ICA1: variants seen among roughly 807,000 people sequenced by gnomAD.
ICA1 encodes the protein 69 kDa islet cell autoantigen.
Under a neutral mutation model 71.0 loss-of-function variants are expected in ICA1, and 40 were observed. The observed-to-expected ratio is 0.56, with a 90% CI of 0.44 to 0.73. The LOEUF is 0.73. ICA1 is among the 30% of genes least tolerant of loss of function. The pLI is 0.00. For synonymous variants in ICA1, 207 were observed against 209.5 expected, an observed-to-expected ratio of 0.99 and a Z score of 0.10; for missense variants, 578 against 576.5, an observed-to-expected ratio of 1.00 and a Z score of -0.03.
intron 1 of ICA1, among the ~76,000 whole-genome samples, chr7:8,256,719 C>T (rs1211777679): frequency 6.6e-6 from 1 of 152,156 alleles, no homozygotes; most frequent in African/African-American, 2.4e-5. Flanking sequence ...GTATCTCCTG[C>T]ACTAGACTGT....
At chr7:8,188,074 C>T (rs536192863) in intron 6 of ICA1, among the ~76,000 whole-genome samples, 5 of 152,230 alleles carry the variant, frequency 3.3e-5, no homozygotes, top group South Asian at 4.2e-4. Flanking sequence ...CTGTTTCTTA[C>T]GCTAAAGGCA....
intron 1 of ICA1, among the ~76,000 whole-genome samples, chr7:8,245,059 G>A (rs1258495158): frequency 6.6e-6 from 1 of 151,994 alleles, no homozygotes; most frequent in African/African-American, 2.4e-5. Context: ...CCCATTACTG[G>A]GTATATACCC....
intron 6 of ICA1, among the ~76,000 whole-genome samples, chr7:8,160,282 A>C (rs748750661): frequency 2.6e-5 from 4 of 152,236 alleles, no homozygotes; most frequent in Non-Finnish European, 5.9e-5. Flanking sequence ...CAATGTATAA[A>C]ATTATAGGAT....
Position 8,218,435 on chromosome 7 carries a change from G to A in ICA1, c.449C>T (p.Ser150Leu). The A allele has an allele frequency of 6.2e-7, 1 of 1,614,076 alleles. No individual in the cohort carries two copies. Residue 150 changes from serine to leucine, a missense_variant, in exon 6 of 14, where the codon TCA (serine) becomes TTA (leucine). Coordinates refer to ENST00000402384, the MANE Select transcript of ICA1 (RefSeq NM_001136020.3). The stretch of plus-strand genomic sequence containing the variant: ...GCGGTTCACCGTCAGCCAAGTATCT[G>A]AGATGGCCCGATGCCGAAAAGTCTC... ...EVETFRHRAI[S>L]DTWLTVNRME...
intron 6 of ICA1, among the ~76,000 whole-genome samples, chr7:8,210,708 A>C (rs1290543028): frequency 1.3e-5 from 2 of 152,062 alleles, no homozygotes; most frequent in African/African-American, 4.8e-5. Flanking sequence ...AAAGGAAAAA[A>C]ATTTTTTTTA....
Position 8,143,900 on chromosome 7 carries a change from CT to C in ICA1, c.876del (p.Asp293MetfsTer10). ...EKKKINQQES[T>X]DAAVQEPSQL... ...TGGCTCGGCTCCTGCACGGCTGCAT[CT>C]GTACTTTCCTGCTGGTTGATTTTCT... is the stretch of plus-strand genomic sequence containing the variant. On this transcript the variant is annotated frameshift_variant, in exon 9 of 14. Transcript: ENST00000402384. LOFTEE classifies it high-confidence loss of function. The C allele has an allele frequency of 1.2e-6, 2 of 1,612,142 alleles. No individual in the cohort carries two copies. The highest frequency in any genetic ancestry group is 1.7e-6 in the Non-Finnish European group (2 of 1,178,400).
chr7:8,184,242 C>A (rs904416622), intron 6 of ICA1, among the ~76,000 whole-genome samples: 1 of 152,128 alleles, frequency 6.6e-6, no homozygotes, highest in Non-Finnish European at 1.5e-5. Context: ...ATGGAAAATG[C>A]CCCTCTCATT....
At chr7:8,218,164 T>C in intron 6 of ICA1, 141 bp downstream of exon 6, 1 of 695,532 alleles carries the variant, frequency 1.4e-6, no homozygotes, top group Non-Finnish European at 2.5e-6. Context: ...ATTGGTATTC[T>C]GTCACATAAA....
chr7:8,191,329 G>C (rs1184803857), intron 6 of ICA1, among the ~76,000 whole-genome samples: 2 of 152,172 alleles, frequency 1.3e-5, no homozygotes, highest in African/African-American at 2.4e-5. Flanking sequence ...TTTGATTTAT[G>C]ATTGTTTGAC....
Position 8,144,469 on chromosome 7 carries a change from C to A in ICA1, c.805-497G>T, listed in dbSNP as rs564043790. Among the ~76,000 whole-genome samples the A allele has an allele frequency of 6.6e-6, 1 of 152,148 alleles. No homozygotes were observed. Among genetic ancestry groups the A allele is most frequent in the East Asian group, 1.9e-4 (1 of 5,202 alleles). ...TTTTAAAAAATAACAGAAAACAAAA[C>A]CTTTTCTTAAAAAACCAAAAATAGT... is the stretch of plus-strand genomic sequence containing the variant. On this transcript the variant is annotated intron_variant, in intron 8 of 13. Transcript: ENST00000402384. This position sits in a 1 kb window ranked among gnomAD's most constrained non-coding sequence, Gnocchi z 4.5.
intron 6 of ICA1, among the ~76,000 whole-genome samples, chr7:8,170,709 T>C (rs566103206): frequency 6.6e-6 from 1 of 152,130 alleles, no homozygotes. Flanking sequence ...AAAGTTCTTT[T>C]GGAGATTCCT....
chr7:8,144,961 C>T lies in ICA1; in HGVS notation c.805-989G>A, dbSNP rs1006757575. 6.6e-6 allele frequency among the ~76,000 whole-genome samples: 1 copy of T among 152,098 alleles called. No homozygotes were observed. The highest frequency in any genetic ancestry group is 1.5e-5 in the Non-Finnish European group (1 of 68,024). On this transcript the variant is annotated intron_variant, in intron 8 of 13. Coordinates refer to ENST00000402384, the MANE Select transcript of ICA1 (RefSeq NM_001136020.3). This position sits in a 1 kb window ranked among gnomAD's most constrained non-coding sequence, Gnocchi z 4.5. ...CATGGCCAATTCTGATTGATTAGTACTGGCTGACTGGAGGGCCAGTGAAGA... is the reference window on the plus strand; with the variant it reads ...CATGGCCAATTCTGATTGATTAGTATTGGCTGACTGGAGGGCCAGTGAAGA...
At chr7:8,232,872 A>G in intron 2 of ICA1, 117 bp from the exon 3 acceptor site, 1 of 860,872 alleles carries the variant, frequency 1.2e-6, no homozygotes, top group Non-Finnish European at 1.7e-6. Context: ...TACAACATTG[A>G]TAAACGTATG....
At chr7:8,157,996 T>C (rs576834795) in intron 7 of ICA1, among the ~76,000 whole-genome samples, 2 of 152,278 alleles carry the variant, frequency 1.3e-5, no homozygotes, top group South Asian at 4.1e-4. Flanking sequence ...AGCCCTGGTC[T>C]TAACTGTTAT....
At chr7:8,165,462 A>G (rs902862630) in intron 6 of ICA1, among the ~76,000 whole-genome samples, 1 of 152,168 alleles carries the variant, frequency 6.6e-6, no homozygotes, top group East Asian at 1.9e-4. Context: ...GAAAACCAGA[A>G]CAAGACAACG....
At chr7:8,147,364 T>C (rs1407745776) in intron 8 of ICA1, among the ~76,000 whole-genome samples, 3 of 152,182 alleles carry the variant, frequency 2.0e-5, no homozygotes, top group East Asian at 1.9e-4. Flanking sequence ...TAAGTCACTA[T>C]TGTGCTTCTC....
intron 13 of ICA1, among the ~76,000 whole-genome samples, chr7:8,118,186 A>T (rs1037533508): frequency 1.3e-5 from 2 of 152,242 alleles, no homozygotes; most frequent in African/African-American, 2.4e-5. Flanking sequence ...TTTTAGGCAA[A>T]TGGCACAAAC....
At chr7:8,243,149 T>C (rs1021478825) in intron 1 of ICA1, among the ~76,000 whole-genome samples, 5 of 152,092 alleles carry the variant, frequency 3.3e-5, no homozygotes, top group Admixed American at 3.3e-4. Flanking sequence ...CTGATAAACA[T>C]CAGTGTGAAA....
intron 6 of ICA1, among the ~76,000 whole-genome samples, chr7:8,195,710 T>C (rs761885505): frequency 2.0e-5 from 3 of 151,992 alleles, no homozygotes; most frequent in Admixed American, 6.6e-5. Flanking sequence ...CCGGGCACAG[T>C]GGCTCATGCT....
Sources: allele counts gnomAD v4.1 joint callset (sites outside exome capture counted in the v4.1 genomes callset), GRCh38; gene constraint gnomAD v4.1.1; non-coding constraint Gnocchi (gnomAD v3.1); transcripts MANE v1.5; gene names NCBI Gene and HGNC (gene_info 2026-07-23, HGNC 2026-07-21).